Variants in CSMD1 observed in about 807,000 individuals in gnomAD.
CSMD1 encodes the protein CUB and Sushi multiple domains 1.
CSMD1 carries 213 observed loss-of-function variants against 417.5 expected under a neutral mutation model. The observed-to-expected ratio is 0.51, with a 90% CI of 0.46 to 0.57. CSMD1 has a LOEUF of 0.57. Among genes scored for constraint, CSMD1 ranks in the 20% least tolerant of loss-of-function variants. The probability of loss-of-function intolerance (pLI) is 0.00; values close to 1 mark genes in which losing one functional copy is unlikely to be tolerated. For missense variants in CSMD1, 6,923 were observed against 4,529.7 expected (o/e 1.53, Z -15.17); for synonymous variants, 2,862 against 1,736.8 (o/e 1.65, Z -16.11).
intron 23 of CSMD1, among the ~76,000 whole-genome samples, chr8:3,337,044 C>A (rs1378017032): frequency 6.6e-6 from 1 of 152,060 alleles, no homozygotes; most frequent in African/African-American, 2.4e-5. Context: ...TCTGGGGAGG[C>A]TGGAGCTGGG....
At chr8:3,096,478 G>T (rs955357131) in intron 47 of CSMD1, among the ~76,000 whole-genome samples, 4 of 152,048 alleles carry the variant, frequency 2.6e-5, no homozygotes, top group Admixed American at 2.6e-4. Context: ...CTCTCTCTCT[G>T]TCTCTCATGC....
chr8:4,145,417 T>G (rs1313562096), intron 3 of CSMD1, among the ~76,000 whole-genome samples: 1 of 151,190 alleles, frequency 6.6e-6, no homozygotes, highest in Non-Finnish European at 1.5e-5. Flanking sequence ...TGACTTAATC[T>G]GGGAAAAGTG....
chr8:3,878,210 T>A (rs1805959007), intron 5 of CSMD1, among the ~76,000 whole-genome samples: 1 of 152,150 alleles, frequency 6.6e-6, no homozygotes, highest in Non-Finnish European at 1.5e-5. Context: ...GGGATAAAAC[T>A]AATATCAAGT....
At chr8:4,194,194 G>T (rs748548894) in intron 3 of CSMD1, among the ~76,000 whole-genome samples, 23 of 152,070 alleles carry the variant, frequency 1.5e-4, no homozygotes, top group Admixed American at 9.8e-4. Flanking sequence ...TGTCATACCT[G>T]ACACTACTAA....
intron 26 of CSMD1, among the ~76,000 whole-genome samples, chr8:3,236,771 T>C (rs1453148863): frequency 6.6e-6 from 1 of 152,196 alleles, no homozygotes; most frequent in Non-Finnish European, 1.5e-5. Flanking sequence ...TTTTGCTGAC[T>C]CTGAAGGTTT....
chr8:3,255,753 A>T (rs112959236), intron 26 of CSMD1, among the ~76,000 whole-genome samples: 1 of 152,124 alleles, frequency 6.6e-6, no homozygotes, highest in Admixed American at 6.5e-5. Context: ...CGGATTTTCC[A>T]GGTGCTGTCT....
chr8:3,156,077 C>T lies in CSMD1; in HGVS notation c.5914+1820G>A, dbSNP rs143890256. On this transcript the variant is annotated intron_variant, in intron 39 of 69. Coordinates refer to ENST00000635120, the MANE Select transcript of CSMD1 (RefSeq NM_033225.6). ...ACTTGTGGGTGCCCACACCACACTA[C>T]GCCGAAATGAATTCTAAACAGAATG... Among the ~76,000 whole-genome samples the T allele has an allele frequency of 1.3e-3, 192 of 152,340 alleles. 1 individual carries two copies. Among genetic ancestry groups the T allele is most frequent in the African/African-American group, 4.3e-3 (180 of 41,588 alleles).
At chr8:3,588,342 A>T (rs1800694451) in intron 8 of CSMD1, among the ~76,000 whole-genome samples, 1 of 152,196 alleles carries the variant, frequency 6.6e-6, no homozygotes, top group African/African-American at 2.4e-5. Context: ...GTCATAAAGC[A>T]CCATGAAGAA....
chr8:3,606,316 A>G (rs1584951785), intron 8 of CSMD1, among the ~76,000 whole-genome samples: 1 of 152,138 alleles, frequency 6.6e-6, no homozygotes, highest in Non-Finnish European at 1.5e-5. Flanking sequence ...GTGTAGCCTG[A>G]TACACAGCTG....
chr8:4,073,660 G>A (rs1196556226), intron 3 of CSMD1, among the ~76,000 whole-genome samples: 2 of 152,098 alleles, frequency 1.3e-5, no homozygotes, highest in African/African-American at 4.8e-5. Context: ...ATAATTCTCT[G>A]AAGTATAGTT....
chr8:3,711,489 T>C (rs1023361345), intron 6 of CSMD1, among the ~76,000 whole-genome samples: 5 of 152,172 alleles, frequency 3.3e-5, no homozygotes, highest in Non-Finnish European at 7.3e-5. Flanking sequence ...TTCATGAACG[T>C]CCTGCACTAC....
chr8:3,418,065 C>A (rs1260830372), intron 12 of CSMD1, among the ~76,000 whole-genome samples: 1 of 152,154 alleles, frequency 6.6e-6, no homozygotes, highest in Non-Finnish European at 1.5e-5. Context: ...TTATGGTGCT[C>A]AGGGAAAATT....
chr8:4,241,444 G>A (rs551137667), intron 3 of CSMD1, among the ~76,000 whole-genome samples: 1 of 152,254 alleles, frequency 6.6e-6, no homozygotes, highest in East Asian at 1.9e-4. Context: ...TATTATCTCA[G>A]TCACTACATC....
chr8:4,256,867 G>C (rs1295256707), intron 3 of CSMD1, among the ~76,000 whole-genome samples: 3 of 152,178 alleles, frequency 2.0e-5, no homozygotes, highest in Non-Finnish European at 4.4e-5. Context: ...TCGCATAAAG[G>C]GGGAGAATCG....
chr8:4,398,733 A>G (rs980071766), intron 3 of CSMD1, among the ~76,000 whole-genome samples: 3 of 152,176 alleles, frequency 2.0e-5, no homozygotes, highest in Non-Finnish European at 2.9e-5. Context: ...AACAAATGCT[A>G]ACAGATTTAT....
At chr8:3,821,021 A>T (rs1281738657) in intron 5 of CSMD1, among the ~76,000 whole-genome samples, 1 of 151,832 alleles carries the variant, frequency 6.6e-6, no homozygotes, top group Admixed American at 6.6e-5. Flanking sequence ...GGTTCAAGCG[A>T]TTCTCCCGCC....
intron 5 of CSMD1, among the ~76,000 whole-genome samples, chr8:3,880,009 T>C (rs921162337): frequency 1.3e-5 from 2 of 152,186 alleles, no homozygotes; most frequent in Non-Finnish European, 2.9e-5. Context: ...TGTACCGAAG[T>C]TACTGACTAA....
At chr8:4,080,254 A>G (rs1233217108) in intron 3 of CSMD1, among the ~76,000 whole-genome samples, 1 of 152,204 alleles carries the variant, frequency 6.6e-6, no homozygotes, top group Non-Finnish European at 1.5e-5. Flanking sequence ...GCCTGCTTTT[A>G]AACAATGACT....
At chr8:4,628,582 C>G (rs1802302303) in intron 2 of CSMD1, among the ~76,000 whole-genome samples, 1 of 145,094 alleles carries the variant, frequency 6.9e-6, no homozygotes, top group African/African-American at 2.5e-5. Context: ...ATTTCAAGGA[C>G]AGAGAACACA....
Sources: allele counts gnomAD v4.1 joint callset (sites outside exome capture counted in the v4.1 genomes callset), GRCh38; gene constraint gnomAD v4.1.1; transcripts MANE v1.5; gene names NCBI Gene and HGNC (gene_info 2026-07-23, HGNC 2026-07-21).